Variants in ST8SIA1 observed in about 807,000 individuals in gnomAD.
The protein encoded by ST8SIA1 is alpha-N-acetylneuraminide alpha-2,8-sialyltransferase.
ST8SIA1 carries 16 observed loss-of-function variants against 35.9 expected under a neutral mutation model. The ratio of observed to expected loss-of-function variants is 0.45; its 90% CI spans 0.30 to 0.68. ST8SIA1 has a LOEUF of 0.68. Ranked by LOEUF, ST8SIA1 falls within the 30% of genes least tolerant of loss-of-function variation. ST8SIA1 has a pLI of 0.09. For missense variants in ST8SIA1, 383 were observed against 453.6 expected (o/e 0.84, Z 1.41); for synonymous variants, 170 against 169.6 (o/e 1.00, Z -0.02).
intron 1 of ST8SIA1, among the ~76,000 whole-genome samples, chr12:22,312,251 T>C (rs964933288): frequency 1.3e-5 from 2 of 152,190 alleles, no homozygotes; most frequent in Admixed American, 6.5e-5. Flanking sequence ...GAATAGGACA[T>C]GAAGTGAAGA....
chr12:22,231,267 G>A (rs1005965577), intron 4 of ST8SIA1, among the ~76,000 whole-genome samples: 1 of 151,370 alleles, frequency 6.6e-6, no homozygotes, highest in Non-Finnish European at 1.5e-5. Flanking sequence ...ATGTCCTGCT[G>A]GAAATGCTGA....
At chr12:22,288,864 GA>G (rs1866139289) in intron 1 of ST8SIA1, among the ~76,000 whole-genome samples, 1 of 152,132 alleles carries the variant, frequency 6.6e-6, no homozygotes, top group Non-Finnish European at 1.5e-5. Flanking sequence ...GTGGCTTCCA[GA>G]GATGGTAAAG....
intron 2 of ST8SIA1, among the ~76,000 whole-genome samples, chr12:22,258,701 A>C (rs1865754234): frequency 6.6e-6 from 1 of 152,154 alleles, no homozygotes; most frequent in Admixed American, 6.6e-5. Context: ...TATTTGAAAA[A>C]TCTGGGTTCA....
chr12:22,322,727 C>G (rs1325355901), intron 1 of ST8SIA1, among the ~76,000 whole-genome samples: 3 of 152,212 alleles, frequency 2.0e-5, no homozygotes, highest in African/African-American at 4.8e-5. Context: ...GTCACCAACA[C>G]TTCACCACCA....
intron 1 of ST8SIA1, among the ~76,000 whole-genome samples, chr12:22,310,368 C>T (rs1591852852): frequency 6.6e-6 from 1 of 152,158 alleles, no homozygotes; most frequent in African/African-American, 2.4e-5. Flanking sequence ...CTAGTGGCTG[C>T]ACAACCTTGT....
chr12:22,277,366 C>CTTTTTT (rs34650104), intron 2 of ST8SIA1, among the ~76,000 whole-genome samples: 2 of 124,824 alleles, frequency 1.6e-5, no homozygotes, highest in Non-Finnish European at 3.3e-5. Flanking sequence ...TAATAGTGAA[C>CTTTTTT]TTTTTTTTTT....
chr12:22,296,523 T>C (rs1168511137), intron 1 of ST8SIA1, among the ~76,000 whole-genome samples: 1 of 152,192 alleles, frequency 6.6e-6, no homozygotes, highest in Non-Finnish European at 1.5e-5. Flanking sequence ...TCTATTAGAC[T>C]CTTCAATTTT....
intron 4 of ST8SIA1, among the ~76,000 whole-genome samples, chr12:22,207,953 G>A (rs1201736280): frequency 6.6e-6 from 1 of 151,902 alleles, no homozygotes; most frequent in African/African-American, 2.4e-5. Context: ...GACCAGCCTG[G>A]CCAATATAGC....
At chr12:22,294,852 A>C (rs1214227131) in intron 1 of ST8SIA1, among the ~76,000 whole-genome samples, 1 of 152,236 alleles carries the variant, frequency 6.6e-6, no homozygotes, top group Non-Finnish European at 1.5e-5. Context: ...AAGGATTTCA[A>C]TGAATACTTA....
Position 22,292,749 on chromosome 12 carries a change from C to T in ST8SIA1, c.237-5456G>A, listed in dbSNP as rs368144243. On this transcript the variant is annotated intron_variant, in intron 1 of 4. Coordinates refer to ENST00000396037, the MANE Select transcript of ST8SIA1 (RefSeq NM_003034.4). ...AATACACATTGGGGAGCACTAGCAG[C>T]GGGAGAAAGAATGGGAGAAAAGAAC... 1.2e-4 allele frequency among the ~76,000 whole-genome samples: 19 copies of T among 152,068 alleles called. No individual in the cohort carries two copies. In the East Asian group the frequency reaches 2.7e-3, roughly 22 times the overall value.
chr12:22,236,396 A>T (rs11046347), intron 4 of ST8SIA1, among the ~76,000 whole-genome samples: 1 of 152,162 alleles, frequency 6.6e-6, no homozygotes, highest in Non-Finnish European at 1.5e-5. Context: ...TCACACAGCC[A>T]ATGCTGTTCT....
chr12:22,256,035 C>T (rs1483292283), intron 2 of ST8SIA1, among the ~76,000 whole-genome samples: 2 of 152,226 alleles, frequency 1.3e-5, no homozygotes, highest in Admixed American at 6.5e-5. Flanking sequence ...GGCATTTCTG[C>T]TGAGCCAACT....
chr12:22,320,669 A>AT (rs1866575697), intron 1 of ST8SIA1, among the ~76,000 whole-genome samples: 1 of 151,850 alleles, frequency 6.6e-6, no homozygotes, highest in South Asian at 2.1e-4. Flanking sequence ...ACATAGGGAG[A>AT]TCCCTTCTCT....
In ST8SIA1 at chr12:22,324,038, C is replaced by A. The variant is rs368389396; in HGVS notation, c.236+9959G>T. 9.2e-5 allele frequency among the ~76,000 whole-genome samples: 14 copies of A among 151,768 alleles called. No individual in the cohort carries two copies. The East Asian group carries it at 1.4e-3, about 15-fold the overall frequency. On this transcript the variant is annotated intron_variant, in intron 1 of 4. Transcript: ENST00000396037. Reference sequence around the variant, plus strand: ...AGTTGAAAAAAAAAGAAAGAAAAAACCAATATAGAATTAAGACAACTTAAA... The same window carrying A: ...AGTTGAAAAAAAAAGAAAGAAAAAAACAATATAGAATTAAGACAACTTAAA...
intron 3 of ST8SIA1, chr12:22,250,691 C>T (rs1220335610): frequency 6.6e-6 from 1 of 152,240 alleles, no homozygotes; most frequent in Non-Finnish European, 1.5e-5. Context: ...ACCCACTCAG[C>T]TGATCAGCTC....
chr12:22,217,125 A>G (rs777178037), intron 4 of ST8SIA1, among the ~76,000 whole-genome samples: 32 of 152,186 alleles, frequency 2.1e-4, no homozygotes, highest in Non-Finnish European at 4.0e-4. Context: ...TAATATCAGG[A>G]ATCTTTTAGA....
At chr12:22,302,492 A>G (rs907084088) in intron 1 of ST8SIA1, among the ~76,000 whole-genome samples, 5 of 152,038 alleles carry the variant, frequency 3.3e-5, no homozygotes, top group Non-Finnish European at 7.4e-5. Context: ...TTTTCTCTTC[A>G]TAGAGCATGA....
At chr12:22,296,034 C>T (rs1213651413) in intron 1 of ST8SIA1, among the ~76,000 whole-genome samples, 2 of 152,094 alleles carry the variant, frequency 1.3e-5, no homozygotes, top group Admixed American at 1.3e-4. Flanking sequence ...TGAAGTCATC[C>T]CCGTGTGATA....
intron 4 of ST8SIA1, among the ~76,000 whole-genome samples, chr12:22,218,014 C>T (rs1467942244): frequency 6.6e-6 from 1 of 152,180 alleles, no homozygotes; most frequent in Non-Finnish European, 1.5e-5. Flanking sequence ...ACATTCCAAA[C>T]TGTCAGTGAA....
Sources: gnomAD v4.1 joint callset for allele counts (sites outside exome capture counted in the v4.1 genomes callset) on GRCh38, gnomAD v4.1.1 for gene constraint, MANE v1.5 for transcripts, NCBI Gene and HGNC (gene_info 2026-07-23, HGNC 2026-07-21) for gene names.